SUGCT: variants seen among roughly 807,000 people sequenced by gnomAD.
SUGCT encodes succinyl-CoA:glutarate-CoA transferase, also known as succinyl-CoA:glutarate CoA-transferase.
A neutral mutation model predicts 55.0 loss-of-function variants in SUGCT; 41 were observed. The observed-to-expected ratio is 0.74, with a 90% CI of 0.58 to 0.97. The LOEUF is 0.97. Ranked by LOEUF, SUGCT falls within the 50% of genes least tolerant of loss-of-function variation. The probability of loss-of-function intolerance (pLI) is 0.00; values close to 1 mark genes in which losing one functional copy is unlikely to be tolerated. For missense variants in SUGCT, 568 were observed against 547.8 expected (o/e 1.04, Z -0.37); for synonymous variants, 187 against 200.4 (o/e 0.93, Z 0.56).
intron 11 of SUGCT, among the ~76,000 whole-genome samples, chr7:40,481,570 T>G (rs1168338426): frequency 6.6e-6 from 1 of 151,322 alleles, no homozygotes; most frequent in Non-Finnish European, 1.5e-5. Context: ...CGGTCTAACG[T>G]ACTTAATATA....
intron 12 of SUGCT, among the ~76,000 whole-genome samples, chr7:40,708,304 T>G (rs922244560): frequency 6.6e-6 from 1 of 152,120 alleles, no homozygotes; most frequent in Non-Finnish European, 1.5e-5. Flanking sequence ...CAGGTTGTGA[T>G]AAAGCAAAAA....
At chr7:40,588,005 C>T (rs1050596020) in intron 12 of SUGCT, among the ~76,000 whole-genome samples, 2 of 151,032 alleles carry the variant, frequency 1.3e-5, no homozygotes, top group East Asian at 1.9e-4. Flanking sequence ...CAGGCTCAGG[C>T]GATTCTCCTG....
chr7:40,932,797 C>G, the SUGCT span, among the ~76,000 whole-genome samples: 1 of 147,074 alleles, frequency 6.8e-6, no homozygotes, highest in East Asian at 2.0e-4. Context: ...AGATCTTCCT[C>G]CCTCCCTTTA....
chr7:40,804,912 G>A (rs1791012139), intron 13 of SUGCT, among the ~76,000 whole-genome samples: 1 of 152,164 alleles, frequency 6.6e-6, no homozygotes, highest in Non-Finnish European at 1.5e-5. Context: ...ACATTTGGGG[G>A]AGGGAAAGGC....
intron 6 of SUGCT, among the ~76,000 whole-genome samples, chr7:40,204,407 A>T (rs1431709112): frequency 6.6e-6 from 1 of 150,544 alleles, no homozygotes; most frequent in East Asian, 1.9e-4. Flanking sequence ...GGTTCACGCC[A>T]TTCTCCTGCC....
intron 9 of SUGCT, among the ~76,000 whole-genome samples, chr7:40,402,699 A>T (rs1786144904): frequency 6.6e-6 from 1 of 152,124 alleles, no homozygotes; most frequent in South Asian, 2.1e-4. Context: ...TAAGAGCTAT[A>T]TTAAATGGTT....
intron 12 of SUGCT, among the ~76,000 whole-genome samples, chr7:40,627,831 C>A (rs1401561921): frequency 6.6e-6 from 1 of 151,820 alleles, no homozygotes; most frequent in Non-Finnish European, 1.5e-5. Context: ...TCCTGCCTCA[C>A]CATGACATGA....
chr7:40,500,852 A>G (rs1191013956), intron 12 of SUGCT, among the ~76,000 whole-genome samples: 2 of 151,696 alleles, frequency 1.3e-5, no homozygotes, highest in Admixed American at 6.6e-5. Flanking sequence ...AGACCTTTCT[A>G]TCACACACAC....
chr7:40,200,104 A>G (rs1463822703), intron 6 of SUGCT, among the ~76,000 whole-genome samples: 1 of 152,162 alleles, frequency 6.6e-6, no homozygotes, highest in Non-Finnish European at 1.5e-5. Context: ...TTATGATTTA[A>G]GTGAGAATAA....
chr7:40,727,161 CT>C (rs1786653970), intron 12 of SUGCT, among the ~76,000 whole-genome samples: 4 of 152,106 alleles, frequency 2.6e-5, no homozygotes, highest in African/African-American at 9.7e-5. Flanking sequence ...GTGAGATTTC[CT>C]TTTTTTGCCT....
the SUGCT span, among the ~76,000 whole-genome samples, chr7:41,026,787 G>A: frequency 1.3e-5 from 2 of 152,082 alleles, no homozygotes; most frequent in Non-Finnish European, 2.9e-5. Context: ...TAATCCCAGA[G>A]CTTTGGGAGG....
At chr7:40,532,526 C>CTGTGTGTGTG (rs3048827) in intron 12 of SUGCT, among the ~76,000 whole-genome samples, 128 of 134,160 alleles carry the variant, frequency 9.5e-4, no homozygotes, top group African/African-American at 2.2e-3. Flanking sequence ...GCAAGTATGT[C>CTGTGTGTGTG]TGTGTGTGTG....
intron 12 of SUGCT, among the ~76,000 whole-genome samples, chr7:40,534,241 C>G (rs1386022006): frequency 6.6e-6 from 1 of 152,132 alleles, no homozygotes; most frequent in Non-Finnish European, 1.5e-5. Flanking sequence ...TTGTGGTGTG[C>G]TATTAGTTGT....
intron 12 of SUGCT, among the ~76,000 whole-genome samples, chr7:40,602,758 C>T (rs1449852540): frequency 6.6e-6 from 1 of 152,114 alleles, no homozygotes. Context: ...ATCTTCTGTT[C>T]TTTTTGTCAT....
intron 13 of SUGCT, among the ~76,000 whole-genome samples, chr7:40,758,868 T>TA (rs1165710367): frequency 1.3e-5 from 2 of 152,134 alleles, no homozygotes; most frequent in Non-Finnish European, 1.5e-5. Context: ...GGTTGCCAAT[T>TA]AGTCTAATCT....
At chr7:40,248,727 T>G (rs1790081807) in intron 7 of SUGCT, among the ~76,000 whole-genome samples, 1 of 152,122 alleles carries the variant, frequency 6.6e-6, no homozygotes, top group Admixed American at 6.6e-5. Flanking sequence ...TGTCAACAGA[T>G]TAGTTCATTT....
the SUGCT span, among the ~76,000 whole-genome samples, chr7:40,961,875 G>T: frequency 3.3e-5 from 5 of 152,206 alleles, no homozygotes; most frequent in African/African-American, 4.8e-5. Context: ...GGCCTCAGGA[G>T]TGAAGCTGCA....
chr7:40,149,177 T>C (rs1788420823), intron 1 of SUGCT, among the ~76,000 whole-genome samples: 1 of 152,138 alleles, frequency 6.6e-6, no homozygotes. Flanking sequence ...ATGTAGCTTA[T>C]TTTACATTTA....
At chr7:40,552,860 T>G (rs1280263926) in intron 12 of SUGCT, among the ~76,000 whole-genome samples, 2 of 145,656 alleles carry the variant, frequency 1.4e-5, no homozygotes, top group South Asian at 2.2e-4. Flanking sequence ...AATCACAGGA[T>G]TGGAGAAATC....
Sources: gnomAD v4.1 joint callset for allele counts (sites outside exome capture counted in the v4.1 genomes callset) on GRCh38, gnomAD v4.1.1 for gene constraint, MANE v1.5 for transcripts, NCBI Gene and HGNC (gene_info 2026-07-23, HGNC 2026-07-21) for gene names.